The following SRP72 variants were observed in gnomAD, a reference collection of about 807,000 sequenced individuals.
SRP72 encodes signal recognition particle 72, also known as signal recognition particle subunit SRP72.
SRP72 carries 49 observed loss-of-function variants against 96.3 expected under a neutral mutation model. The ratio of observed to expected loss-of-function variants is 0.51; its 90% confidence interval spans 0.40 to 0.65. The LOEUF (loss-of-function observed/expected upper bound fraction) is 0.65. Ranked by LOEUF, SRP72 falls within the 30% of genes least tolerant of loss-of-function variation. The pLI is 0.00. For synonymous variants in SRP72, 267 were observed against 275.2 expected (o/e 0.97, Z 0.30); for missense variants, 736 against 793.3 (o/e 0.93, Z 0.87).
In SRP72 at chr4:56,479,926, G is replaced by A. The variant is rs192816978; in HGVS notation, c.825+1277G>A. On this transcript the variant is annotated intron_variant, in intron 8 of 18. Coordinates refer to ENST00000642900, the MANE Select transcript of SRP72 (RefSeq NM_006947.4). ...TTCCTCTCAATAATCTTTTTAGGTG[G>A]TAGTCCTTATCTCTGTAGGAGTATA... Among the ~76,000 whole-genome samples, 994 of 152,296 alleles carry A rather than the reference G, an allele frequency of 6.5e-3. 5 individuals carry two copies. Among genetic ancestry groups the A allele is most frequent in the Non-Finnish European group, 0.012 (812 of 68,028 alleles).
chr4:56,469,952 GT>G (rs1259485275), intron 2 of SRP72, among the ~76,000 whole-genome samples, 179 bp downstream of exon 2: 1 of 125,716 alleles, frequency 8.0e-6, no homozygotes, highest in Non-Finnish European at 1.7e-5. Context: ...AGTAACTTCT[GT>G]TTTTTTCAGC....
chr4:56,475,987 A>T (rs1181659476), intron 5 of SRP72: 1 of 152,316 alleles, frequency 6.6e-6, no homozygotes, highest in Non-Finnish European at 1.5e-5. Context: ...TACAACCAAT[A>T]ACATTAAAAA....
chr4:56,473,999 T>TA (rs1292812275), intron 3 of SRP72, 55 bp from the exon 4 acceptor site: 1 of 1,556,642 alleles, frequency 6.4e-7, no homozygotes, highest in Non-Finnish European at 8.7e-7. Flanking sequence ...TGCATGATAT[T>TA]AAAGACATAA....
chr4:56,480,168 G>T (rs990492609), intron 8 of SRP72, among the ~76,000 whole-genome samples: 1 of 152,264 alleles, frequency 6.6e-6, no homozygotes, highest in African/African-American at 2.4e-5. Flanking sequence ...TTGGCCATTG[G>T]TATGGTATAG....
intron 17 of SRP72, chr4:56,500,325 C>G (rs548517963): frequency 8.7e-6 from 4 of 457,510 alleles, no homozygotes; most frequent in African/African-American, 7.9e-5. Flanking sequence ...TGTAACAAAC[C>G]TGCACGTTCT....
chr4:56,469,815 C>T (rs1047265608), intron 2 of SRP72, 42 bp downstream of exon 2: 1 of 1,530,430 alleles, frequency 6.5e-7, no homozygotes, highest in Non-Finnish European at 8.9e-7. Flanking sequence ...ATTAGAAACA[C>T]TTACTATAGC....
intron 9 of SRP72, among the ~76,000 whole-genome samples, chr4:56,484,508 C>T (rs1403987049): frequency 1.3e-5 from 2 of 152,018 alleles, no homozygotes; most frequent in African/African-American, 4.8e-5. Flanking sequence ...AGAATTTCTC[C>T]TTTACTAAAG....
Position 56,489,467 on chromosome 4 carries a change from G to A in SRP72, c.1304G>A (p.Trp435Ter). 1 of 1,586,818 alleles carries A rather than the reference G, an allele frequency of 6.3e-7. No homozygotes were observed. The highest frequency in any genetic ancestry group is 8.6e-7 in the Non-Finnish European group (1 of 1,160,344). Residue 435 changes from tryptophan to a stop codon, truncating the protein, a stop_gained, in exon 13 of 19, where the codon TGG becomes TAG. Transcript: ENST00000642900. LOFTEE classifies it high-confidence loss of function. ...AIEVFTQAIQWYQNHQPKSPA... is the reference protein window; with the variant it reads ...AIEVFTQAIQ ...GAGGTCTTCACACAAGCTATCCAGT[G>A]GTATCAAAACCATCAGGTAAATAAA...
chr4:56,475,935 A>T (rs779923353), intron 5 of SRP72: 1 of 152,224 alleles, frequency 6.6e-6, no homozygotes. Flanking sequence ...CTATTAAAGG[A>T]TTGGCTAAAT....
In SRP72 at chr4:56,484,745, T is replaced by G. The variant is rs1358397260; in HGVS notation, c.967T>G (p.Cys323Gly). Residue 323 changes from cysteine to glycine, a missense_variant, in exon 10 of 19, where the codon TGC becomes GGC. Physicochemically the swap from Cys to Gly is radical, Grantham distance 159. Transcript: ENST00000642900. ...GTTGGATATCTTCTAGGCTGAACAA[T>G]GCCGCAAAATATCTGCCAGTTTACA... Reference protein sequence around the residue: ...LAMYTNQAEQCRKISASLQSQ... With the variant: ...LAMYTNQAEQGRKISASLQSQ... 6.2e-7 allele frequency: 1 copy of G among 1,614,148 alleles called. No homozygotes were observed. Among genetic ancestry groups the G allele is most frequent in the South Asian group, 1.1e-5 (1 of 91,078 alleles).
Position 56,500,667 on chromosome 4 carries a change from G to A in SRP72, c.1810G>A (p.Gly604Arg). The A allele has an allele frequency of 6.2e-7, 1 of 1,613,746 alleles. No individual in the cohort carries two copies. The highest frequency in any genetic ancestry group is 8.5e-7 in the Non-Finnish European group (1 of 1,179,818). ...GGATCAGATTGGAAAAGGGACCCAGGGAGCAACTGCAGGAGCTTCATCTGA... is the reference window on the plus strand; with the variant it reads ...GGATCAGATTGGAAAAGGGACCCAGAGAGCAACTGCAGGAGCTTCATCTGA... ...KKDQIGKGTQ[G>R]ATAGASSELD... is the part of the protein sequence containing the mutation. The change falls in exon 18 of 19, where the codon GGA becomes AGA. Residue 604 changes from glycine to arginine, a missense_variant. Transcript: ENST00000642900.
At chr4:56,470,078 A>G (rs1194430923) in intron 2 of SRP72, among the ~76,000 whole-genome samples, 1 of 151,506 alleles carries the variant, frequency 6.6e-6, no homozygotes, top group African/African-American at 2.4e-5. Flanking sequence ...TGTAGCAAGA[A>G]TAACTCAGTC....
chr4:56,497,355 G>T (rs1332512928), intron 17 of SRP72, among the ~76,000 whole-genome samples: 2 of 151,722 alleles, frequency 1.3e-5, no homozygotes, highest in African/African-American at 2.4e-5. Flanking sequence ...AAGTAGCTGG[G>T]ACTGCAGGCG....
Position 56,491,437 on chromosome 4 carries a change from T to G in SRP72, c.1509T>G (p.Ser503Arg). The stretch of plus-strand genomic sequence containing the variant: ...AACTCCTGTTCTATCACAGTCTTAG[T>G]AAACACTTGCCATCGTCAGATAGTA... The part of the protein sequence containing the change: ...LVDPEKAKAL[S>R]KHLPSSDSMS... The change falls in exon 16 of 19, where the codon AGT becomes AGG. Residue 503 changes from serine (S) to arginine (R), a missense_variant. Ser to Arg is a moderately radical substitution (Grantham distance 110, BLOSUM62 -1). Coordinates refer to ENST00000642900, the MANE Select transcript of SRP72 (RefSeq NM_006947.4). The G allele has an allele frequency of 6.2e-7, 1 of 1,613,754 alleles. No individual in the cohort carries two copies. The highest frequency in any genetic ancestry group is 8.5e-7 in the Non-Finnish European group (1 of 1,179,862).
At chr4:56,495,049 G>C (rs1353520149) in intron 16 of SRP72, among the ~76,000 whole-genome samples, 2 of 152,158 alleles carry the variant, frequency 1.3e-5, no homozygotes, top group East Asian at 3.8e-4. Context: ...AGGTAGTCAT[G>C]CTTGTGCAAA....
At chr4:56,497,374 C>T (rs1428298420) in intron 17 of SRP72, among the ~76,000 whole-genome samples, 1 of 151,758 alleles carries the variant, frequency 6.6e-6, no homozygotes, top group Non-Finnish European at 1.5e-5. Flanking sequence ...CGTACCCCAC[C>T]ACGCCCAGCT....
chr4:56,474,144 A>G lies in SRP72; in HGVS notation c.445A>G (p.Thr149Ala). 6.2e-7 allele frequency: 1 copy of G among 1,614,244 alleles called. No individual in the cohort carries two copies. The highest frequency in any genetic ancestry group is 1.1e-5 in the South Asian group (1 of 91,090). Residue 149 changes from threonine to alanine, a missense_variant, in exon 4 of 19, where the codon ACA (threonine) becomes GCA (alanine). Physicochemically the swap from Thr to Ala is moderately conservative, Grantham distance 58. Coordinates refer to ENST00000642900, the MANE Select transcript of SRP72 (RefSeq NM_006947.4). ...SQDDYDEERK[T>A]NLSAVVAAQS... is the part of the protein sequence containing the mutation. ...AGATGATTATGATGAGGAGAGGAAA[A>G]CAAACCTTTCAGCAGTTGTTGCAGC...
chr4:56,470,141 A>C (rs532593959), intron 2 of SRP72, among the ~76,000 whole-genome samples: 1 of 152,218 alleles, frequency 6.6e-6, no homozygotes, highest in South Asian at 2.1e-4. Context: ...ATTGAAATTA[A>C]GTTTGAAGCA....
At chr4:56,477,478 G>A (rs1720292387) in intron 6 of SRP72, among the ~76,000 whole-genome samples, 1 of 151,108 alleles carries the variant, frequency 6.6e-6, no homozygotes, top group African/African-American at 2.4e-5. Context: ...TGTAGAGATG[G>A]GGGTCTCGCT....
Sources: gnomAD v4.1 joint callset for allele counts (sites outside exome capture counted in the v4.1 genomes callset) on GRCh38, gnomAD v4.1.1 for gene constraint, MANE v1.5 for transcripts, NCBI Gene and HGNC (gene_info 2026-07-23, HGNC 2026-07-21) for gene names.